Variants in LRBA observed in about 807,000 individuals in gnomAD.
LRBA encodes the protein LPS responsive beige-like anchor protein, also known as lipopolysaccharide-responsive and beige-like anchor protein.
A neutral mutation model predicts 330.0 loss-of-function variants in LRBA; 176 were observed. That is an observed-to-expected ratio of 0.53 (90% CI 0.47 to 0.60). LRBA has a LOEUF of 0.60. LRBA is among the 20% of genes least tolerant of loss of function. The pLI, the probability that LRBA is intolerant of heterozygous loss-of-function variation, is 0.00. For missense variants in LRBA, 3,259 were observed against 3,444.8 expected (o/e 0.95, Z 1.35); for synonymous variants, 1,230 against 1,193.0 (o/e 1.03, Z -0.64).
chr4:150,438,127 T>A (rs1751361870), intron 44 of LRBA, among the ~76,000 whole-genome samples: 1 of 152,196 alleles, frequency 6.6e-6, no homozygotes, highest in South Asian at 2.1e-4. Flanking sequence ...CTCTATTCCG[T>A]ATTCAAAATG....
chr4:150,585,725 C>A (rs1772032604), intron 40 of LRBA, among the ~76,000 whole-genome samples: 1 of 152,004 alleles, frequency 6.6e-6, no homozygotes, highest in Admixed American at 6.5e-5. Context: ...TTGTATTAGC[C>A]CAGGTTTTAA....
chr4:150,573,538 G>A (rs754317739), intron 40 of LRBA, among the ~76,000 whole-genome samples: 1 of 152,092 alleles, frequency 6.6e-6, no homozygotes, highest in Non-Finnish European at 1.5e-5. Context: ...CAGATAGACT[G>A]ACTGGTATAT....
intron 40 of LRBA, among the ~76,000 whole-genome samples, chr4:150,507,264 T>C (rs957628575): frequency 6.6e-6 from 1 of 152,132 alleles, no homozygotes; most frequent in African/African-American, 2.4e-5. Flanking sequence ...GAGCCCGCAT[T>C]GCCAAGTCAA....
intron 37 of LRBA, among the ~76,000 whole-genome samples, chr4:150,635,628 T>G (rs1345652531): frequency 6.6e-6 from 1 of 152,218 alleles, no homozygotes; most frequent in Non-Finnish European, 1.5e-5. Flanking sequence ...TGTTTCAAAT[T>G]TGTAGAAAAG....
chr4:150,791,525 A>AAAT (rs2126642982), intron 34 of LRBA, among the ~76,000 whole-genome samples: 1 of 152,332 alleles, frequency 6.6e-6, no homozygotes, highest in South Asian at 2.1e-4. Flanking sequence ...ATAAATGAAT[A>AAAT]AATAATACCA....
At chr4:150,862,074 T>C (rs1428151026) in intron 22 of LRBA, among the ~76,000 whole-genome samples, 1 of 152,182 alleles carries the variant, frequency 6.6e-6, no homozygotes, top group Admixed American at 6.5e-5. Context: ...ACTTTTACAC[T>C]GTTGGTGGGA....
intron 36 of LRBA, among the ~76,000 whole-genome samples, chr4:150,727,536 A>G (rs954617277): frequency 3.0e-4 from 46 of 152,360 alleles, no homozygotes; most frequent in African/African-American, 1.1e-3. Flanking sequence ...ACAATGAAAT[A>G]TAACTACAAA....
intron 5 of LRBA, among the ~76,000 whole-genome samples, chr4:150,917,286 C>A (rs910077224): frequency 4.6e-5 from 7 of 151,126 alleles, no homozygotes; most frequent in Non-Finnish European, 7.4e-5. Context: ...AAAAAAAATT[C>A]AGTGTAACCT....
intron 47 of LRBA, among the ~76,000 whole-genome samples, chr4:150,359,443 T>A (rs972186756): frequency 1.3e-5 from 2 of 152,124 alleles, no homozygotes; most frequent in Non-Finnish European, 2.9e-5. Flanking sequence ...CAGAAAGATT[T>A]AAGATACAAG....
rs189122746 is a variant in LRBA, at chr4:150,331,314, C to T, written c.7363-5416G>A. 1.9e-3 allele frequency among the ~76,000 whole-genome samples: 285 copies of T among 152,274 alleles called. 1 individual carries two copies. The highest frequency in any genetic ancestry group is 0.017 in the Middle Eastern group (5 of 292). On this transcript the variant is annotated intron_variant, in intron 48 of 56. Transcript: ENST00000651943. ...CATACAAGCATCCTTAAACCCTGTA[C>T]GGTTCAGCAAGGTGGGTTGGTAATA...
At position 150,828,222 on chromosome 4, in the gene LRBA, T is replaced by A; in HGVS notation, c.5129A>T (p.Asp1710Val). The change falls in exon 30 of 57, where the codon GAT becomes GTT. Residue 1710 changes from aspartate to valine, a missense_variant. Transcript: ENST00000651943. ...CTGCACGGGTTGTTCCACAGATAGA[T>A]CACCAAGGGCTCCAAGGCAGGCTGG... ...LPPACLGALGDLSVEQPVQFR... is the reference protein window; with the variant it reads ...LPPACLGALGVLSVEQPVQFR... 1 of 1,614,086 alleles carries A rather than the reference T, an allele frequency of 6.2e-7. No individual in the cohort carries two copies. Among genetic ancestry groups the A allele is most frequent in the Non-Finnish European group, 8.5e-7 (1 of 1,179,960 alleles).
At chr4:150,389,802 A>G (rs1293175385) in intron 47 of LRBA, among the ~76,000 whole-genome samples, 1 of 151,886 alleles carries the variant, frequency 6.6e-6, no homozygotes, top group Non-Finnish European at 1.5e-5. Flanking sequence ...TCAATAATGA[A>G]TGGATTCACC....
At chr4:150,739,486 A>G (rs1414358214) in intron 35 of LRBA, among the ~76,000 whole-genome samples, 1 of 152,196 alleles carries the variant, frequency 6.6e-6, no homozygotes, top group Non-Finnish European at 1.5e-5. Context: ...ACTCTGCAAG[A>G]AGCTCTAAGC....
At chr4:150,558,634 C>T (rs1434833004) in intron 40 of LRBA, among the ~76,000 whole-genome samples, 1 of 152,100 alleles carries the variant, frequency 6.6e-6, no homozygotes, top group African/African-American at 2.4e-5. Flanking sequence ...TTTATTGGAG[C>T]ATGGTATTAG....
intron 37 of LRBA, among the ~76,000 whole-genome samples, chr4:150,635,261 C>T (rs1221533860): frequency 6.6e-6 from 1 of 152,196 alleles, no homozygotes; most frequent in African/African-American, 2.4e-5. Flanking sequence ...AAAACCATCA[C>T]CTATGTGACA....
intron 40 of LRBA, among the ~76,000 whole-genome samples, chr4:150,549,026 C>A (rs1033423797): frequency 3.3e-5 from 5 of 152,110 alleles, no homozygotes. Context: ...ATCAAAATCA[C>A]CTATGTTCCA....
At chr4:150,380,593 G>A (rs1460110032) in intron 47 of LRBA, among the ~76,000 whole-genome samples, 1 of 152,030 alleles carries the variant, frequency 6.6e-6, no homozygotes, top group Non-Finnish European at 1.5e-5. Context: ...AAAAATTGCA[G>A]TTTATGTAGA....
Position 150,903,191 on chromosome 4 carries a change from A to G in LRBA, c.1755+2647T>C, listed in dbSNP as rs552273033. Among the ~76,000 whole-genome samples, 341 of 151,770 alleles carry G rather than the reference A, an allele frequency of 2.2e-3. 2 individuals are homozygous for G. The highest frequency in any genetic ancestry group is 3.2e-3 in the Non-Finnish European group (220 of 67,890). ...GAGGCCGGAAGTTCGAGACCAGCCT[A>G]AACAACAAAGCAAGACCCTAGTCTC... On this transcript the variant is annotated intron_variant, in intron 13 of 56. Transcript: ENST00000651943.
At chr4:150,534,948 A>G (rs552171234) in intron 40 of LRBA, among the ~76,000 whole-genome samples, 1 of 152,344 alleles carries the variant, frequency 6.6e-6, no homozygotes, top group Non-Finnish European at 1.5e-5. Context: ...AACTGTGATT[A>G]AACTGATGAG....
Sources: allele counts gnomAD v4.1 joint callset (sites outside exome capture counted in the v4.1 genomes callset), GRCh38; gene constraint gnomAD v4.1.1; transcripts MANE v1.5; gene names NCBI Gene and HGNC (gene_info 2026-07-23, HGNC 2026-07-21).